SPOUT1: variants seen among roughly 807,000 people sequenced by gnomAD.
The protein encoded by SPOUT1 is SPOUT domain containing methyltransferase 1, also known as 28S rRNA (uridine-N(3))-methyltransferase.
Under a neutral mutation model 54.8 loss-of-function variants are expected in SPOUT1, and 40 were observed. That is an observed-to-expected ratio of 0.73 (90% CI 0.57 to 0.95). The LOEUF (loss-of-function observed/expected upper bound fraction) is 0.95. SPOUT1 is among the 40% of genes least tolerant of loss of function. The pLI is 0.00. For synonymous variants in SPOUT1, 193 were observed against 200.3 expected (o/e 0.96, Z 0.31); for missense variants, 437 against 499.5 (o/e 0.87, Z 1.19).
At chr9:128,824,670 G>T in intron 9 of SPOUT1, 101 bp downstream of exon 9, 1 of 794,286 alleles carries the variant, frequency 1.3e-6, no homozygotes, top group Non-Finnish European at 2.2e-6. Context: ...ACAGCAAGTT[G>T]ACAGGACAAA....
At chr9:128,823,957 G>T in intron 10 of SPOUT1, 63 bp from the exon 11 acceptor site, 3 of 1,598,494 alleles carry the variant, frequency 1.9e-6, no homozygotes, top group Non-Finnish European at 2.6e-6. Context: ...ACAGCGCCCA[G>T]ACCTCAGTCC....
In SPOUT1 at chr9:128,825,040, T is replaced by C; in HGVS notation, c.649A>G (p.Ile217Val). 6.4e-7 allele frequency: 1 copy of C among 1,570,516 alleles called. No homozygotes were observed. The highest frequency in any genetic ancestry group is 1.2e-5 in the South Asian group (1 of 86,222). The change falls in exon 8 of 12, where the codon ATT (isoleucine) becomes GTT (valine). Residue 217 changes from isoleucine to valine, a missense_variant. Ile to Val is a conservative substitution (Grantham distance 29). Transcript: ENST00000361256. The part of the protein sequence containing the change: ...VNCGMKKEVK[I>V]DKNLEPGLRV... ...AGCCCGGGCTCCAGGTTCTTGTCAATCTTCACCTCCTGGGGAGAAGCCAGA... is the reference window on the plus strand; with the variant it reads ...AGCCCGGGCTCCAGGTTCTTGTCAACCTTCACCTCCTGGGGAGAAGCCAGA...
chr9:128,822,679 C>A lies in SPOUT1; in HGVS notation c.*86G>T, dbSNP rs1830149474. ...TATTAAAGGTGGTGATTTTTGGAGACAAGTCTGGTGGCGTCCGTCCCAAGT... is the reference window on the plus strand; with the variant it reads ...TATTAAAGGTGGTGATTTTTGGAGAAAAGTCTGGTGGCGTCCGTCCCAAGT... On this transcript the variant is annotated 3_prime_UTR_variant, in exon 12 of 12. Coordinates refer to ENST00000361256, the MANE Select transcript of SPOUT1 (RefSeq NM_016390.4). 1 of 1,553,586 alleles carries A rather than the reference C, an allele frequency of 6.4e-7. No homozygotes were observed.
chr9:128,821,384 G>A lies in SPOUT1; in HGVS notation c.*1381C>T, dbSNP rs1303964009. ...GGTCCCCAGTGCACCGAGCTCTCCC[G>A]CCTTCCCCATGCAGGTCCCCAGTGC... On this transcript the variant is annotated 3_prime_UTR_variant, in exon 12 of 12. Coordinates refer to ENST00000361256, the MANE Select transcript of SPOUT1 (RefSeq NM_016390.4). The A allele has an allele frequency of 6.1e-6, 1 of 164,044 alleles. No homozygotes were observed. The highest frequency in any genetic ancestry group is 2.0e-4 in the East Asian group (1 of 5,116). The allele number at this position is 164,044 out of a possible 1,614,324, so 10.2% of individuals were successfully genotyped here.
Position 128,828,796 on chromosome 9 carries a change from T to G in SPOUT1, c.147A>C (p.Ala49=). ...CCAGGCGCTTTGCCTGTTCCTCCTG[T>G]GCCCGCTGCCGCTCCAGTTTTTTCA... The part of the protein sequence containing the change: ...KLMKKLERQR[A]QEEQAKRLEE... The change falls in exon 3 of 12, where the codon GCA becomes GCC. Residue 49 remains alanine (A), a synonymous_variant. Coordinates refer to ENST00000361256, the MANE Select transcript of SPOUT1 (RefSeq NM_016390.4). 6.2e-7 allele frequency: 1 copy of G among 1,614,142 alleles called. No homozygotes were observed. Among genetic ancestry groups the G allele is most frequent in the African/African-American group, 1.3e-5 (1 of 75,068 alleles).
rs368423574 is a variant in SPOUT1, at chr9:128,823,727, G to A, written c.1062+20C>T. ...CCCAAGGCCCCAGTGGCTGGCAGTC[G>A]GGGAGGCAGGCGGGCTCACCTCCGT... On this transcript the variant is annotated intron_variant, in intron 11 of 11. Coordinates refer to ENST00000361256, the MANE Select transcript of SPOUT1 (RefSeq NM_016390.4). 6.0e-5 allele frequency: 96 copies of A among 1,588,522 alleles called. No homozygotes were observed. In the Admixed American group the frequency reaches 6.6e-4, roughly 11 times the overall value.
rs1195550878 is a variant in SPOUT1, at chr9:128,821,047, A to G, written c.*1718T>C. On this transcript the variant is annotated 3_prime_UTR_variant, in exon 12 of 12. Transcript: ENST00000361256. ...GCCAAAGACCTGTCGGGTACCCCTG[A>G]CCATCTCTCCTCTGCCCATGGGCAG... The G allele has an allele frequency of 1.0e-5, 6 of 591,154 alleles. No individual in the cohort carries two copies. The East Asian group carries it at 1.7e-4, about 17-fold the overall frequency. 36.6% of individuals were successfully genotyped at this position (591,154 alleles called of 1,614,324 possible). A position where few individuals can be genotyped will look rare whatever the true frequency, so the allele number is the denominator to read the frequency against.
rs1424786487 is a variant in SPOUT1, at chr9:128,821,298, G to A, written c.*1467C>T. On this transcript the variant is annotated 3_prime_UTR_variant, in exon 12 of 12. Coordinates refer to ENST00000361256, the MANE Select transcript of SPOUT1 (RefSeq NM_016390.4). ...CCTCTGCAGGTCCGAGGTGCACCGA[G>A]CTCTCCCGCCTTCCCCATGCAGGTC... 5.2e-6 allele frequency: 1 copy of A among 192,718 alleles called. No homozygotes were observed. The highest frequency in any genetic ancestry group is 1.1e-5 in the Non-Finnish European group (1 of 93,524). The allele number at this position is 192,718 out of a possible 1,614,324, so 11.9% of individuals were successfully genotyped here.
intron 7 of SPOUT1, 162 bp downstream of exon 7, chr9:128,825,860 G>A: frequency 1.3e-6 from 1 of 785,412 alleles, no homozygotes. Context: ...ATTCATTCCT[G>A]GCTTTATCTA....
Position 128,820,933 on chromosome 9 carries a change from C to A in SPOUT1, c.*1832G>T. 7.8e-7 allele frequency: 1 copy of A among 1,274,168 alleles called. No individual in the cohort carries two copies. Among genetic ancestry groups the A allele is most frequent in the Non-Finnish European group, 1.1e-6 (1 of 900,238 alleles). 78.9% of individuals were successfully genotyped at this position (1,274,168 alleles called of 1,614,324 possible). ...CTCACAGGGCCAGGCTTGCCCCAGGCTCTGGGTCAATACCAGTTCCCTACT... is the reference window on the plus strand; with the variant it reads ...CTCACAGGGCCAGGCTTGCCCCAGGATCTGGGTCAATACCAGTTCCCTACT... On this transcript the variant is annotated 3_prime_UTR_variant, in exon 12 of 12. Transcript: ENST00000361256.
intron 7 of SPOUT1, among the ~76,000 whole-genome samples, chr9:128,825,326 TTTTTTTTC>T (rs1267017767): frequency 0.09 from 17 of 188 alleles, no homozygotes; most frequent in African/African-American, 0.24. Flanking sequence ...GCTCTGCAAC[TTTTTTTTC>T]TTTTTTTTCT....
rs1830085882 is a variant in SPOUT1, at chr9:128,820,402, G to A, written c.*2363C>T. ...GACTGGGAAAAGGAACGGGTTGGTA[G>A]TTGGAAGGGCTGGTCTTCCCAGGAG... On this transcript the variant is annotated 3_prime_UTR_variant, in exon 12 of 12. Coordinates refer to ENST00000361256, the MANE Select transcript of SPOUT1 (RefSeq NM_016390.4). 1 of 260,314 alleles carries A rather than the reference G, an allele frequency of 3.8e-6. No individual in the cohort carries two copies. The allele number at this position is 260,314 out of a possible 1,614,324, so 16.1% of individuals were successfully genotyped here.
chr9:128,823,134 G>A (rs989074039), intron 11 of SPOUT1, among the ~76,000 whole-genome samples: 23 of 152,316 alleles, frequency 1.5e-4, no homozygotes, highest in Admixed American at 1.4e-3. Flanking sequence ...CTCGTGCAGG[G>A]GTTGGAAGGG....
At chr9:128,823,058 G>A (rs557551564) in intron 11 of SPOUT1, among the ~76,000 whole-genome samples, 1 of 152,320 alleles carries the variant, frequency 6.6e-6, no homozygotes, top group African/African-American at 2.4e-5. Context: ...AAATGGGGGC[G>A]AAGGTAACAA....
At chr9:128,827,823 G>A (rs540390294) in intron 3 of SPOUT1, among the ~76,000 whole-genome samples, 2 of 152,236 alleles carry the variant, frequency 1.3e-5, no homozygotes, top group African/African-American at 2.4e-5. Flanking sequence ...TCCGGAGGCT[G>A]GGGCAGGAGA....
intron 3 of SPOUT1, among the ~76,000 whole-genome samples, chr9:128,828,014 T>C (rs1830274268): frequency 6.6e-6 from 1 of 152,248 alleles, no homozygotes; most frequent in Non-Finnish European, 1.5e-5. Context: ...GATAAGTAGC[T>C]ATAATTGTTT....
chr9:128,829,015 A>G (rs1830296822), intron 2 of SPOUT1, 95 bp downstream of exon 2: 1 of 1,499,262 alleles, frequency 6.7e-7, no homozygotes, highest in Admixed American at 1.7e-5. Flanking sequence ...GTGCTGCAGG[A>G]CCCAGAGGGA....
In SPOUT1 at chr9:128,823,838, T is replaced by G. The variant is rs766796324; in HGVS notation, c.971A>C (p.Asp324Ala). 28 of 1,612,258 alleles carry G rather than the reference T, an allele frequency of 1.7e-5. No individual in the cohort carries two copies. The highest frequency in any genetic ancestry group is 2.4e-5 in the Non-Finnish European group (28 of 1,179,686). The stretch of plus-strand genomic sequence containing the variant: ...GGGTTCAGCCACCTCCAGGTTGGGG[T>G]CAGCATCCGCTCCAGCTTCCAGACC... ...LQGLEAGADA[D>A]PNLEVAEPSV... is the part of the protein sequence containing the mutation. The change falls in exon 11 of 12, where the codon GAC (aspartate) becomes GCC (alanine). Residue 324 changes from aspartate (D) to alanine (A), a missense_variant. Asp to Ala is a moderately radical substitution (Grantham distance 126, BLOSUM62 -2). Coordinates refer to ENST00000361256, the MANE Select transcript of SPOUT1 (RefSeq NM_016390.4).
Position 128,822,446 on chromosome 9 carries a change from C to G in SPOUT1, c.*319G>C. ...GGAGGCAGCAGGTGGGCAAATTGAG[C>G]TCCGCACCTACGTGATGCCCAACGC... On this transcript the variant is annotated 3_prime_UTR_variant, in exon 12 of 12. Coordinates refer to ENST00000361256, the MANE Select transcript of SPOUT1 (RefSeq NM_016390.4). The G allele has an allele frequency of 1.9e-6, 3 of 1,591,370 alleles. No individual in the cohort carries two copies. Among genetic ancestry groups the G allele is most frequent in the South Asian group, 2.3e-5 (2 of 88,004 alleles).
Sources: allele counts gnomAD v4.1 joint callset (sites outside exome capture counted in the v4.1 genomes callset), GRCh38; gene constraint gnomAD v4.1.1; transcripts MANE v1.5; gene names NCBI Gene and HGNC (gene_info 2026-07-23, HGNC 2026-07-21).